The following ANKRD36 variants were observed in gnomAD, a reference collection of about 807,000 sequenced individuals.
The protein encoded by ANKRD36 is ankyrin repeat domain-containing protein 36A.
Under a neutral mutation model 278.1 loss-of-function variants are expected in ANKRD36, and 179 were observed. The observed-to-expected ratio is 0.64, with a 90% CI of 0.57 to 0.73. ANKRD36 has a LOEUF of 0.73. Among genes scored for constraint, ANKRD36 ranks in the 30% least tolerant of loss-of-function variants. ANKRD36 has a pLI of 0.00. For missense variants in ANKRD36, 1,159 were observed against 1,956.7 expected, an observed-to-expected ratio of 0.59 and a Z score of 7.69; for synonymous variants, 320 against 641.1, an observed-to-expected ratio of 0.50 and a Z score of 7.57.
chr2:97,174,718 A>G (rs1307857067), intron 22 of ANKRD36, among the ~76,000 whole-genome samples: 3 of 151,806 alleles, frequency 2.0e-5, no homozygotes, highest in Non-Finnish European at 1.5e-5. Flanking sequence ...TTCAAAGGGA[A>G]TGCTTCCAGT....
chr2:97,130,655 A>C (rs2039911266), intron 6 of ANKRD36, among the ~76,000 whole-genome samples: 1 of 151,124 alleles, frequency 6.6e-6, no homozygotes, highest in Admixed American at 6.6e-5. Flanking sequence ...TAATAATGTC[A>C]TGGAGAAAAA....
chr2:97,209,136 G>A (rs2063668794), intron 54 of ANKRD36, among the ~76,000 whole-genome samples: 1 of 146,640 alleles, frequency 6.8e-6, no homozygotes, highest in Non-Finnish European at 1.5e-5. Context: ...CTAGGTATCA[G>A]CAAACAGATA....
At chr2:97,120,184 CTT>C in intron 3 of ANKRD36, among the ~76,000 whole-genome samples, 1 of 26,138 alleles carries the variant, frequency 3.8e-5, no homozygotes, top group African/African-American at 8.6e-5. Flanking sequence ...CTCTGAGTCT[CTT>C]TGTTATCATT....
intron 50 of ANKRD36, among the ~76,000 whole-genome samples, chr2:97,205,178 CTTA>C (rs2062503172): frequency 6.6e-6 from 1 of 151,660 alleles, no homozygotes; most frequent in Non-Finnish European, 1.5e-5. Context: ...GAATGTAAAA[CTTA>C]TTATTGTCTA....
intron 16 of ANKRD36, 114 bp from the exon 17 acceptor site, chr2:97,158,474 G>C (rs950398407): frequency 1.6e-5 from 18 of 1,098,706 alleles, no homozygotes; most frequent in Non-Finnish European, 2.2e-5. Flanking sequence ...TGATCTGCCT[G>C]CATTGGCCCC....
Position 97,176,008 on chromosome 2 carries a change from G to A in ANKRD36, c.1634-3730G>A, listed in dbSNP as rs890321930. Among the ~76,000 whole-genome samples the A allele has an allele frequency of 8.6e-4, 131 of 151,804 alleles. 1 individual carries two copies. Among genetic ancestry groups the A allele is most frequent in the African/African-American group, 3.0e-3 (126 of 41,508 alleles). ...TGAGAGATAGTTTGTTATAATTTCT[G>A]TTCTTTTACATTTTCTGAGGAGAGC... On this transcript the variant is annotated intron_variant, in intron 22 of 75. Transcript: ENST00000420699.
chr2:97,149,941 G>A (rs1026586514), intron 12 of ANKRD36, among the ~76,000 whole-genome samples: 9 of 151,636 alleles, frequency 5.9e-5, no homozygotes, highest in African/African-American at 2.2e-4. Flanking sequence ...ACTAGACATG[G>A]TATCATGTGC....
intron 6 of ANKRD36, among the ~76,000 whole-genome samples, chr2:97,136,790 A>T (rs528859919): frequency 3.9e-5 from 6 of 152,092 alleles, no homozygotes; most frequent in Admixed American, 3.9e-4. Flanking sequence ...TTTGTCCAGA[A>T]ATCATGTTCT....
At chr2:97,116,853 C>A (rs2035534650) in intron 1 of ANKRD36, among the ~76,000 whole-genome samples, 1 of 151,960 alleles carries the variant, frequency 6.6e-6, no homozygotes, top group Admixed American at 6.6e-5. Flanking sequence ...ATAAACTTCC[C>A]AACTGTATGT....
intron 6 of ANKRD36, among the ~76,000 whole-genome samples, chr2:97,127,779 A>G (rs542660117): frequency 6.6e-6 from 1 of 152,084 alleles, no homozygotes; most frequent in South Asian, 2.1e-4. Flanking sequence ...CTCATTTTAA[A>G]ATGTTGGTCT....
chr2:97,177,216 T>C (rs1293379545), intron 22 of ANKRD36, among the ~76,000 whole-genome samples: 2 of 151,946 alleles, frequency 1.3e-5, no homozygotes, highest in Non-Finnish European at 2.9e-5. Context: ...TGCTCATGCA[T>C]AGGAAGAATC....
rs565380884 is a variant in ANKRD36 at position 97,181,080 on chromosome 2, G to C, written c.1736-518G>C. Among the ~76,000 whole-genome samples the C allele has an allele frequency of 9.9e-5, 15 of 151,768 alleles. No homozygotes were observed. The South Asian group carries it at 1.7e-3, about 17-fold the overall frequency. On this transcript the variant is annotated intron_variant, in intron 24 of 75. Coordinates refer to ENST00000420699, the MANE Select transcript of ANKRD36 (RefSeq NM_001354587.1). The stretch of plus-strand genomic sequence containing the variant: ...ACTAGATTTTAGGAAACATATCCAA[G>C]GTGATCAATTTAGGACACTTCCACT...
intron 44 of ANKRD36, 34 bp downstream of exon 44, chr2:97,198,692 G>A (rs1487808819): frequency 6.6e-7 from 1 of 1,519,998 alleles, no homozygotes; most frequent in African/African-American, 1.4e-5. Context: ...GTCATGTTCA[G>A]TGCAGATAGA....
At chr2:97,191,561 A>G (rs1277994661) in intron 36 of ANKRD36, among the ~76,000 whole-genome samples, 50 of 151,762 alleles carry the variant, frequency 3.3e-4, no homozygotes, top group Non-Finnish European at 1.5e-4. Context: ...CAGAAAACTG[A>G]TTGTAATAAC....
chr2:97,173,117 G>A (rs1295341055), intron 22 of ANKRD36, among the ~76,000 whole-genome samples: 2 of 151,634 alleles, frequency 1.3e-5, no homozygotes, highest in African/African-American at 4.8e-5. Flanking sequence ...GACTGTCATT[G>A]TAGTTAAAGA....
At chr2:97,192,768 G>A (rs1558636845) in intron 36 of ANKRD36, 90 bp from the exon 37 acceptor site, 1 of 1,481,490 alleles carries the variant, frequency 6.7e-7, no homozygotes, top group Non-Finnish European at 9.3e-7. Flanking sequence ...ACAGGCAGGA[G>A]AACAGAGGTT....
At chr2:97,207,551 T>C (rs62154858) in intron 52 of ANKRD36, among the ~76,000 whole-genome samples, 9 of 151,580 alleles carry the variant, frequency 5.9e-5, no homozygotes, top group African/African-American at 1.2e-4. Flanking sequence ...CACGTTGATA[T>C]TGACACGGTT....
chr2:97,127,286 T>A (rs2153422483), intron 6 of ANKRD36, among the ~76,000 whole-genome samples, 152 bp downstream of exon 6: 1 of 152,024 alleles, frequency 6.6e-6, no homozygotes, highest in African/African-American at 2.4e-5. Flanking sequence ...TTATAATTAT[T>A]TAAAAAGTTA....
At chr2:97,137,386 T>C (rs1337703911) in intron 6 of ANKRD36, among the ~76,000 whole-genome samples, 2 of 151,850 alleles carry the variant, frequency 1.3e-5, no homozygotes, top group Admixed American at 1.3e-4. Context: ...TTTGGCCTCA[T>C]GTGATCCACC....
Sources: gnomAD v4.1 joint callset for allele counts (sites outside exome capture counted in the v4.1 genomes callset) on GRCh38, gnomAD v4.1.1 for gene constraint, MANE v1.5 for transcripts, NCBI Gene and HGNC (gene_info 2026-07-23, HGNC 2026-07-21) for gene names.